The following RBFOX1 variants were observed in gnomAD, a reference collection of about 807,000 sequenced individuals.
RBFOX1 encodes RNA binding protein fox-1 homolog 1.
In RBFOX1, 8 loss-of-function variants were observed where a neutral mutation model predicts 57.7. The ratio of observed to expected loss-of-function variants is 0.14; its 90% CI spans 0.08 to 0.25. The LOEUF (loss-of-function observed/expected upper bound fraction) is 0.25. RBFOX1 is among the 10% of genes least tolerant of loss of function. The pLI is 1.00. For synonymous variants in RBFOX1, 326 were observed against 222.4 expected (o/e 1.47, Z -4.15); for missense variants, 611 against 548.5 (o/e 1.11, Z -1.14).
intron 3 of RBFOX1, chr16:6,721,946 C>G (rs2066085552): frequency 6.5e-6 from 1 of 153,702 alleles, no homozygotes; most frequent in South Asian, 2.1e-4. Flanking sequence ...AAAGCCAAAT[C>G]CATTCCTGCT....
intron 4 of RBFOX1, among the ~76,000 whole-genome samples, chr16:7,126,951 G>A (rs894085894): frequency 6.7e-6 from 1 of 149,954 alleles, no homozygotes; most frequent in African/African-American, 2.5e-5. Context: ...AGAGGTTGCA[G>A]TGAGCCAAGA....
In RBFOX1 at chr16:5,850,179, C is replaced by T. The variant is rs145051796; in HGVS notation, c.319-17124C>T. Among the ~76,000 whole-genome samples, 557 of 152,168 alleles carry T rather than the reference C, an allele frequency of 3.7e-3. 5 individuals are homozygous for T. The highest frequency in any genetic ancestry group is 4.8e-3 in the Non-Finnish European group (329 of 68,000). On this transcript the variant is annotated intron_variant, in intron 3 of 19. Coordinates refer to the RBFOX1 transcript ENST00000641259. ...AATTAACTGGTTAATTGATGTTATCCGTTTTATCCAGAGGGATAAGCGGAG... is the reference window on the plus strand; with the variant it reads ...AATTAACTGGTTAATTGATGTTATCTGTTTTATCCAGAGGGATAAGCGGAG...
chr16:7,544,786 TTTG>T (rs1238409964), intron 5 of RBFOX1, among the ~76,000 whole-genome samples: 2 of 152,134 alleles, frequency 1.3e-5, no homozygotes, highest in Non-Finnish European at 2.9e-5. Context: ...TTTTTTCTTG[TTTG>T]TTGTTGTTGT....
At chr16:5,447,491 G>C (rs1236547303) in intron 1 of RBFOX1, among the ~76,000 whole-genome samples, 1 of 151,702 alleles carries the variant, frequency 6.6e-6, no homozygotes, top group Non-Finnish European at 1.5e-5. Flanking sequence ...CACTGCAACT[G>C]AATTCAAGTG....
intron 3 of RBFOX1, among the ~76,000 whole-genome samples, chr16:6,899,835 A>G (rs1309091120): frequency 6.6e-6 from 1 of 152,210 alleles, no homozygotes; most frequent in African/African-American, 2.4e-5. Flanking sequence ...AGCAGGCAGG[A>G]GCATTTCGTT....
At chr16:5,379,630 A>G (rs751258563) in intron 1 of RBFOX1, among the ~76,000 whole-genome samples, 7 of 152,246 alleles carry the variant, frequency 4.6e-5, no homozygotes, top group Middle Eastern at 6.8e-3. Flanking sequence ...CTTCCTCTCC[A>G]TGAGCTCCAG....
At chr16:7,157,003 C>G (rs1012145811) in intron 4 of RBFOX1, among the ~76,000 whole-genome samples, 22 of 152,196 alleles carry the variant, frequency 1.4e-4, no homozygotes, top group Admixed American at 7.2e-4. Flanking sequence ...ACATCCTCTG[C>G]TGTCAGATTG....
rs542292321 is a variant in RBFOX1 at position 6,742,630 on chromosome 16, A to C, written c.-16+87980A>C. Among the ~76,000 whole-genome samples the C allele has an allele frequency of 2.5e-4, 38 of 152,352 alleles. 1 individual carries two copies. In the South Asian group the frequency reaches 7.9e-3, roughly 32 times the overall value. On this transcript the variant is annotated intron_variant, in intron 3 of 15. Transcript: ENST00000550418. ...GTTAAAGAAACTGTGAGATACCCGTACTGTGAACTACTATTCAGCAATAAA... is the reference window on the plus strand; with the variant it reads ...GTTAAAGAAACTGTGAGATACCCGTCCTGTGAACTACTATTCAGCAATAAA...
chr16:7,535,674 C>T (rs1224433315), intron 5 of RBFOX1, among the ~76,000 whole-genome samples: 2 of 152,156 alleles, frequency 1.3e-5, no homozygotes, highest in Non-Finnish European at 2.9e-5. Context: ...GAAAATCCAC[C>T]CTTAGTTTGG....
chr16:5,683,745 G>A (rs528711455), intron 3 of RBFOX1, among the ~76,000 whole-genome samples: 1 of 148,646 alleles, frequency 6.7e-6, no homozygotes. Context: ...ACGTGTATGT[G>A]TGTGTATATA....
intron 4 of RBFOX1, among the ~76,000 whole-genome samples, chr16:5,928,225 C>G (rs1190920352): frequency 6.6e-6 from 1 of 151,962 alleles, no homozygotes; most frequent in Non-Finnish European, 1.5e-5. Flanking sequence ...TCCTGAGTAG[C>G]TGAGATTACC....
intron 3 of RBFOX1, among the ~76,000 whole-genome samples, chr16:6,820,901 C>G (rs920988233): frequency 9.2e-5 from 14 of 152,116 alleles, no homozygotes; most frequent in African/African-American, 3.4e-4. Flanking sequence ...TCATCCTTAG[C>G]AGTTTGGACC....
intron 3 of RBFOX1, among the ~76,000 whole-genome samples, chr16:6,958,790 C>A (rs148792262): frequency 6.6e-6 from 1 of 151,968 alleles, no homozygotes. Context: ...GAAAATGAGG[C>A]GTGAATTGGA....
intron 4 of RBFOX1, among the ~76,000 whole-genome samples, chr16:7,243,417 G>GA (rs2094153709): frequency 6.6e-6 from 1 of 152,194 alleles, no homozygotes; most frequent in Non-Finnish European, 1.5e-5. Context: ...AGATGTGGAA[G>GA]AAAGGCATAT....
intron 3 of RBFOX1, among the ~76,000 whole-genome samples, chr16:5,806,792 C>G (rs991309369): frequency 6.6e-6 from 1 of 152,214 alleles, no homozygotes; most frequent in Admixed American, 6.5e-5. Context: ...TGCAGGATCA[C>G]TGATGCTGTC....
chr16:7,579,195 A>G (rs1450152802), intron 5 of RBFOX1, among the ~76,000 whole-genome samples: 1 of 152,194 alleles, frequency 6.6e-6, no homozygotes, highest in East Asian at 1.9e-4. Context: ...TACAATTAGA[A>G]CCTCAAAAGA....
intron 3 of RBFOX1, among the ~76,000 whole-genome samples, chr16:6,920,321 T>C (rs2074187139): frequency 6.6e-6 from 1 of 152,206 alleles, no homozygotes; most frequent in Non-Finnish European, 1.5e-5. Flanking sequence ...AAACGGTAGT[T>C]CTGCTCTTAA....
chr16:7,450,422 C>T (rs1320410971), intron 4 of RBFOX1, among the ~76,000 whole-genome samples: 1 of 128,628 alleles, frequency 7.8e-6, no homozygotes, highest in Non-Finnish European at 1.6e-5. Context: ...AAAGGAGAAA[C>T]TTACAGAAAG....
At chr16:5,548,174 A>AAAAATATATATATATAT (rs1555462290) in intron 2 of RBFOX1, among the ~76,000 whole-genome samples, 1 of 33,580 alleles carries the variant, frequency 3.0e-5, no homozygotes. Flanking sequence ...AAAAAAAAAA[A>AAAAATATATATATATAT]ATATATATAT....
Sources: allele counts gnomAD v4.1 joint callset (sites outside exome capture counted in the v4.1 genomes callset), GRCh38; gene constraint gnomAD v4.1.1; transcripts MANE v1.5; gene names NCBI Gene and HGNC (gene_info 2026-07-23, HGNC 2026-07-21).